Variants in CRB1 observed in about 807,000 individuals in gnomAD.
CRB1 encodes the protein protein crumbs homolog 1.
In CRB1, 83 loss-of-function variants were observed where a neutral mutation model predicts 120.0. The observed-to-expected ratio is 0.69, with a 90% confidence interval of 0.58 to 0.83. CRB1 has a LOEUF of 0.83. Ranked by LOEUF, CRB1 falls within the 40% of genes least tolerant of loss-of-function variation. The pLI, the probability that CRB1 is intolerant of heterozygous loss-of-function variation, is 0.00. For synonymous variants in CRB1, 625 were observed against 612.5 expected, an observed-to-expected ratio of 1.02 and a Z score of -0.30; for missense variants, 1,699 against 1,687.6, an observed-to-expected ratio of 1.01 and a Z score of -0.12.
chr1:197,316,179 T>C (rs1397004159), intron 1 of CRB1, among the ~76,000 whole-genome samples: 1 of 151,222 alleles, frequency 6.6e-6, no homozygotes, highest in Admixed American at 6.6e-5. Context: ...TTAAACGATT[T>C]CAAAGTCAGA....
chr1:197,413,737 C>A, intron 5 of CRB1: 1 of 254,712 alleles, frequency 3.9e-6, no homozygotes, highest in South Asian at 4.3e-5. Context: ...ACAAATCTGC[C>A]TGGTAAGCAG....
chr1:197,325,059 A>G (rs1221490460), intron 1 of CRB1, among the ~76,000 whole-genome samples: 2 of 152,216 alleles, frequency 1.3e-5, no homozygotes, highest in Admixed American at 6.5e-5. Context: ...GGTCAAAGTA[A>G]GAATTTCACA....
At chr1:197,294,836 C>T (rs936724155) in intron 1 of CRB1, among the ~76,000 whole-genome samples, 2 of 152,044 alleles carry the variant, frequency 1.3e-5, no homozygotes, top group Non-Finnish European at 1.5e-5. Flanking sequence ...TGTTCTCACT[C>T]ATAGGCGGGA....
At chr1:197,429,739 C>A in intron 8 of CRB1, 125 bp downstream of exon 8, 1 of 1,028,764 alleles carries the variant, frequency 9.7e-7, no homozygotes, top group African/African-American at 1.6e-5. Flanking sequence ...GTTGTTTCCC[C>A]TATGCGAGTA....
At chr1:197,382,975 G>A (rs1172760154) in intron 5 of CRB1, among the ~76,000 whole-genome samples, 5 of 152,054 alleles carry the variant, frequency 3.3e-5, no homozygotes, top group East Asian at 1.9e-4. Context: ...CTAAATTAAG[G>A]TTCTTCTAAA....
chr1:197,357,758 A>G (rs77214668), intron 5 of CRB1: 1 of 152,498 alleles, frequency 6.6e-6, no homozygotes, highest in African/African-American at 2.4e-5. Context: ...AGAAAAGTAA[A>G]TGAGAAATAA....
intron 11 of CRB1, among the ~76,000 whole-genome samples, chr1:197,461,502 C>T (rs1558157708): frequency 1.3e-5 from 2 of 152,062 alleles, no homozygotes. Flanking sequence ...TGAGTGGCTG[C>T]CTCTTCAAAT....
the CRB1 span, among the ~76,000 whole-genome samples, chr1:197,232,377 A>G: frequency 6.6e-6 from 1 of 152,178 alleles, no homozygotes; most frequent in South Asian, 2.1e-4. Flanking sequence ...ACACTCTAAG[A>G]CAACCGAGAT....
intron 10 of CRB1, chr1:197,439,320 C>T (rs549141086): frequency 1.9e-5 from 3 of 155,432 alleles, no homozygotes; most frequent in East Asian, 3.8e-4. Flanking sequence ...AACTGGGGCT[C>T]TATAGAATAC....
At chr1:197,377,705 C>T (rs1661721102) in intron 5 of CRB1, among the ~76,000 whole-genome samples, 1 of 152,150 alleles carries the variant, frequency 6.6e-6, no homozygotes, top group African/African-American at 2.4e-5. Context: ...GTTCCATTTT[C>T]TTCCTATCAA....
chr1:197,368,914 C>T (rs1661221083), intron 5 of CRB1, among the ~76,000 whole-genome samples: 1 of 152,130 alleles, frequency 6.6e-6, no homozygotes, highest in Non-Finnish European at 1.5e-5. Context: ...ATTTTCATAC[C>T]AGAGTTCTAT....
the CRB1 span, among the ~76,000 whole-genome samples, chr1:197,260,468 T>C: frequency 6.6e-6 from 1 of 151,700 alleles, no homozygotes; most frequent in Non-Finnish European, 1.5e-5. Flanking sequence ...TAAAATAAAA[T>C]TTGGAATAAA....
chr1:197,212,068 A>G, the CRB1 span, among the ~76,000 whole-genome samples: 1 of 152,206 alleles, frequency 6.6e-6, no homozygotes, highest in Admixed American at 6.5e-5. Context: ...AATTAAAACC[A>G]CAATGAGATA....
chr1:197,238,278 T>A, the CRB1 span, among the ~76,000 whole-genome samples: 1 of 152,158 alleles, frequency 6.6e-6, no homozygotes, highest in African/African-American at 2.4e-5. Context: ...TAGAAACAAA[T>A]GAAGACAAAT....
chr1:197,314,082 A>G (rs955048936), intron 1 of CRB1, among the ~76,000 whole-genome samples: 2 of 152,154 alleles, frequency 1.3e-5, no homozygotes, highest in Non-Finnish European at 2.9e-5. Context: ...TTTGGGAAAT[A>G]TTTGGCCATT....
At chr1:197,276,557 A>T (rs1443423882) in intron 1 of CRB1, among the ~76,000 whole-genome samples, 1 of 151,908 alleles carries the variant, frequency 6.6e-6, no homozygotes, top group Non-Finnish European at 1.5e-5. Flanking sequence ...TAAGTAAATT[A>T]TGTAATTGTG....
At position 197,435,365 on chromosome 1, in the gene CRB1, G is replaced by A. The variant is rs2125500673; in HGVS notation, c.3502G>A (p.Gly1168Arg). The A allele has an allele frequency of 1.9e-6, 3 of 1,612,586 alleles. No homozygotes were observed. The highest frequency in any genetic ancestry group is 1.3e-5 in the African/African-American group (1 of 74,896). Reference protein sequence around the residue: ...YSSYHCSCPLGWSGKHCELNI... With the variant: ...YSSYHCSCPLRWSGKHCELNI... Reference sequence around the variant, plus strand: ...CTCTTATCATTGCTCCTGTCCCTTGGGATGGTCAGGGAAACACTGTGAACT... The same window carrying A: ...CTCTTATCATTGCTCCTGTCCCTTGAGATGGTCAGGGAAACACTGTGAACT... Residue 1168 changes from glycine (G) to arginine (R), a missense_variant, in exon 9 of 12, where the codon GGA becomes AGA. Coordinates refer to ENST00000367400, the MANE Select transcript of CRB1 (RefSeq NM_201253.3).
intron 1 of CRB1, among the ~76,000 whole-genome samples, chr1:197,319,829 G>C (rs1397638284): frequency 6.6e-6 from 1 of 152,118 alleles, no homozygotes; most frequent in Non-Finnish European, 1.5e-5. Context: ...CAATAATCAT[G>C]ATGGGAGATT....
chr1:197,338,450 T>A (rs75707191), intron 2 of CRB1, among the ~76,000 whole-genome samples: 4,112 of 152,226 alleles, frequency 0.027, 185 homozygotes, highest in African/African-American at 0.091. Context: ...TACAAGGAAG[T>A]AGGAGAATTT....
Sources: gnomAD v4.1 joint callset for allele counts (sites outside exome capture counted in the v4.1 genomes callset) on GRCh38, gnomAD v4.1.1 for gene constraint, MANE v1.5 for transcripts, NCBI Gene and HGNC (gene_info 2026-07-23, HGNC 2026-07-21) for gene names.